Variants in PTCHD4 observed in about 807,000 individuals in gnomAD.
The protein encoded by PTCHD4 is patched domain containing 4, also known as patched domain-containing protein 4.
In PTCHD4, 33 loss-of-function variants were observed where a neutral mutation model predicts 58.1. The ratio of observed to expected loss-of-function variants is 0.57; its 90% CI spans 0.43 to 0.76. The LOEUF (loss-of-function observed/expected upper bound fraction) is 0.76, where lower values mean the gene tolerates loss of function less well. Among genes scored for constraint, PTCHD4 ranks in the 30% least tolerant of loss-of-function variants. The probability of loss-of-function intolerance (pLI) is 0.00; values close to 1 mark genes in which losing one functional copy is unlikely to be tolerated. For synonymous variants in PTCHD4, 478 were observed against 409.6 expected, an observed-to-expected ratio of 1.17 and a Z score of -2.02; for missense variants, 1,058 against 1,027.1, an observed-to-expected ratio of 1.03 and a Z score of -0.41.
intron 4 of PTCHD4, among the ~76,000 whole-genome samples, chr6:47,906,589 C>T (rs544818523): frequency 6.6e-6 from 1 of 152,310 alleles, no homozygotes; most frequent in South Asian, 2.1e-4. Context: ...TTTCAGACTA[C>T]ATGATGTGGG....
chr6:47,943,269 C>T (rs995052902), intron 4 of PTCHD4, among the ~76,000 whole-genome samples: 1 of 151,980 alleles, frequency 6.6e-6, no homozygotes, highest in Admixed American at 6.6e-5. Context: ...AAGAAAGGGG[C>T]TTTAGGTTTT....
At chr6:48,058,027 C>G (rs976275189) in intron 3 of PTCHD4, among the ~76,000 whole-genome samples, 9 of 152,202 alleles carry the variant, frequency 5.9e-5, no homozygotes, top group African/African-American at 2.2e-4. Flanking sequence ...GAAAAAAAGA[C>G]TTTGGTTCTG....
intron 4 of PTCHD4, among the ~76,000 whole-genome samples, chr6:47,937,212 G>T (rs544111117): frequency 1.3e-5 from 2 of 152,296 alleles, no homozygotes; most frequent in Non-Finnish European, 2.9e-5. Context: ...TTAAGGGAAT[G>T]ACTGGCTGCT....
chr6:48,082,088 C>A (rs1422914801), intron 1 of PTCHD4, among the ~76,000 whole-genome samples: 2 of 152,278 alleles, frequency 1.3e-5, no homozygotes, highest in African/African-American at 4.8e-5. Context: ...TATTTCTTGA[C>A]TTTCTCCTAC....
chr6:47,948,336 C>T (rs1766499455), intron 4 of PTCHD4, among the ~76,000 whole-genome samples: 1 of 152,172 alleles, frequency 6.6e-6, no homozygotes, highest in Admixed American at 6.6e-5. Context: ...ACAGAGGTCA[C>T]AGTCTTATAT....
At chr6:48,044,074 T>C (rs2114156835) in intron 3 of PTCHD4, among the ~76,000 whole-genome samples, 1 of 151,986 alleles carries the variant, frequency 6.6e-6, no homozygotes, top group South Asian at 2.1e-4. Flanking sequence ...ATGAATTCTT[T>C]CCTGAGACTG....
At chr6:48,052,595 T>G (rs1234615564) in intron 3 of PTCHD4, among the ~76,000 whole-genome samples, 1 of 152,062 alleles carries the variant, frequency 6.6e-6, no homozygotes, top group Non-Finnish European at 1.5e-5. Context: ...CGTTAAACTC[T>G]TTGGAGGTGT....
At chr6:48,105,786 GA>G (rs1765705595) in intron 1 of PTCHD4, among the ~76,000 whole-genome samples, 1 of 152,150 alleles carries the variant, frequency 6.6e-6, no homozygotes. Flanking sequence ...CGATCCCACA[GA>G]AATACAAACT....
At chr6:48,026,376 C>T (rs1370139139) in intron 3 of PTCHD4, among the ~76,000 whole-genome samples, 1 of 152,138 alleles carries the variant, frequency 6.6e-6, no homozygotes, top group Non-Finnish European at 1.5e-5. Context: ...TGTCCATCTC[C>T]TTTTTGTTAA....
intron 3 of PTCHD4, among the ~76,000 whole-genome samples, chr6:48,065,415 TAA>T (rs1764762350): frequency 6.6e-6 from 1 of 152,118 alleles, no homozygotes; most frequent in African/African-American, 2.4e-5. Context: ...ATTTGAGGGC[TAA>T]AAAAATACAT....
chr6:47,972,620 AATATC>A (rs1313304319), intron 4 of PTCHD4, among the ~76,000 whole-genome samples: 1 of 151,884 alleles, frequency 6.6e-6, no homozygotes, highest in Non-Finnish European at 1.5e-5. Context: ...ATTTTAAGTA[AATATC>A]ATATAATTAT....
chr6:47,925,267 G>A (rs889613132), intron 4 of PTCHD4, among the ~76,000 whole-genome samples: 4 of 151,566 alleles, frequency 2.6e-5, no homozygotes, highest in Non-Finnish European at 5.9e-5. Flanking sequence ...GCTTCATGAA[G>A]CAAAAAGTTT....
chr6:48,075,143 T>C (rs1765039559), intron 1 of PTCHD4, among the ~76,000 whole-genome samples: 1 of 152,192 alleles, frequency 6.6e-6, no homozygotes, highest in Non-Finnish European at 1.5e-5. Flanking sequence ...TTTGCATTAA[T>C]TGATGACCTA....
In PTCHD4 at chr6:48,106,681, A is replaced by G. The variant is rs1021940804; in HGVS notation, c.-970+4368T>C. ...CAAATTGTTCCTGTTTGCAGATGACATGATTGAATGTCTAGAAAACCCCAT... is the reference window on the plus strand; with the variant it reads ...CAAATTGTTCCTGTTTGCAGATGACGTGATTGAATGTCTAGAAAACCCCAT... On this transcript the variant is annotated intron_variant, in intron 1 of 4. Transcript: ENST00000339488. Among the ~76,000 whole-genome samples the G allele has an allele frequency of 3.3e-5, 5 of 152,348 alleles. No homozygotes were observed. In the East Asian group the frequency reaches 5.8e-4, roughly 18 times the overall value.
In PTCHD4 at chr6:47,874,884, A is replaced by G. The variant is rs937572435; in HGVS notation, c.*3419T>C. ...GAATTAAGGCTGGTCTAAAGAATCA[A>G]ATCTCTAAGGTATGATTACCTTTAA... On this transcript the variant is annotated 3_prime_UTR_variant, in exon 5 of 5. Transcript: ENST00000339488. Among the ~76,000 whole-genome samples, 1 of 151,846 alleles carries G rather than the reference A, an allele frequency of 6.6e-6. No individual in the cohort carries two copies. Among genetic ancestry groups the G allele is most frequent in the Admixed American group, 6.6e-5 (1 of 15,224 alleles).
chr6:47,875,294 G>T lies in PTCHD4; in HGVS notation c.*3009C>A, dbSNP rs1763818721. ...TGCAAACTGGAAAAACTAGGGAGAG[G>T]TGCATACAAGCTACCAAAAAAGGTT... On this transcript the variant is annotated 3_prime_UTR_variant, in exon 5 of 5. Transcript: ENST00000339488. 7.3e-5 allele frequency among the ~76,000 whole-genome samples: 11 copies of T among 151,706 alleles called. No homozygotes were observed. Among genetic ancestry groups the T allele is most frequent in the Admixed American group, 7.2e-4 (11 of 15,178 alleles).
At position 48,008,858 on chromosome 6, in the gene PTCHD4, T is replaced by G. The variant is rs1216719169; in HGVS notation, c.674A>C (p.Lys225Thr). The part of the protein sequence containing the change: ...ASFSLWRDFH[K>T]TSILARSKVL... ...CTTGCTTCTGGCCAGGATGCTGGTCTTATGAAAGTCCCTCCAGAGGCTAAA... is the reference window on the plus strand; with the variant it reads ...CTTGCTTCTGGCCAGGATGCTGGTCGTATGAAAGTCCCTCCAGAGGCTAAA... The change falls in exon 4 of 5, where the codon AAG becomes ACG. Residue 225 changes from lysine (K) to threonine (T), a missense_variant. Lys to Thr is a moderately conservative substitution (Grantham distance 78). Transcript: ENST00000339488. 6.2e-7 allele frequency: 1 copy of G among 1,614,002 alleles called. No individual in the cohort carries two copies.
intron 3 of PTCHD4, among the ~76,000 whole-genome samples, chr6:48,027,262 G>A (rs1389230345): frequency 6.6e-6 from 1 of 151,946 alleles, no homozygotes; most frequent in African/African-American, 2.4e-5. Flanking sequence ...TAAACTCCCA[G>A]GAACATAAAA....
intron 1 of PTCHD4, among the ~76,000 whole-genome samples, chr6:48,095,402 G>A: frequency 6.6e-6 from 1 of 152,132 alleles, no homozygotes. Context: ...AAGAAATATA[G>A]GTCAGGCGCT....
Sources: allele counts gnomAD v4.1 joint callset (sites outside exome capture counted in the v4.1 genomes callset), GRCh38; gene constraint gnomAD v4.1.1; transcripts MANE v1.5; gene names NCBI Gene and HGNC (gene_info 2026-07-23, HGNC 2026-07-21).